GRID2: variants seen among roughly 807,000 people sequenced by gnomAD.
GRID2 encodes the protein glutamate receptor ionotropic, delta-2.
A neutral mutation model predicts 114.8 loss-of-function variants in GRID2; 33 were observed. The observed-to-expected ratio is 0.29, with a 90% CI of 0.22 to 0.38. The LOEUF (loss-of-function observed/expected upper bound fraction) is 0.38. Ranked by LOEUF, GRID2 falls within the 10% of genes least tolerant of loss-of-function variation. The probability of loss-of-function intolerance (pLI) is 1.00; values close to 1 mark genes in which losing one functional copy is unlikely to be tolerated. For missense variants in GRID2, 1,184 were observed against 1,257.7 expected (o/e 0.94, Z 0.89); for synonymous variants, 505 against 449.9 (o/e 1.12, Z -1.55).
intron 2 of GRID2, among the ~76,000 whole-genome samples, chr4:92,762,632 AT>A (rs2149346238): frequency 6.6e-6 from 1 of 152,190 alleles, no homozygotes; most frequent in African/African-American, 2.4e-5. Flanking sequence ...CACTTGTTCG[AT>A]TTTCCCTCAA....
intron 8 of GRID2, among the ~76,000 whole-genome samples, chr4:93,346,416 C>T (rs558529788): frequency 6.6e-6 from 1 of 152,292 alleles, no homozygotes; most frequent in Admixed American, 6.5e-5. Context: ...TACTCCAAAA[C>T]AGCATTTCCT....
At chr4:92,585,329 T>A (rs1560473275) in intron 1 of GRID2, among the ~76,000 whole-genome samples, 1 of 152,068 alleles carries the variant, frequency 6.6e-6, no homozygotes. Context: ...ATTCCTTTTA[T>A]GATTACCTAC....
At chr4:92,642,430 A>G (rs968017963) in intron 2 of GRID2, among the ~76,000 whole-genome samples, 40 of 151,792 alleles carry the variant, frequency 2.6e-4, no homozygotes, top group African/African-American at 9.2e-4. Flanking sequence ...GGCTACTTGT[A>G]TGTCTTCTTT....
intron 4 of GRID2, among the ~76,000 whole-genome samples, chr4:93,140,160 C>CTTTTTTTTTT (rs10684978): frequency 3.9e-5 from 5 of 128,266 alleles, no homozygotes; most frequent in African/African-American, 6.0e-5. Context: ...CTTTTCTTTT[C>CTTTTTTTTTT]TTTTTTTTTT....
chr4:93,614,014 G>C (rs1004945295), intron 13 of GRID2, among the ~76,000 whole-genome samples: 1 of 151,958 alleles, frequency 6.6e-6, no homozygotes, highest in Non-Finnish European at 1.5e-5. Context: ...TAGTCTCGTG[G>C]TGCGCCGTTT....
At chr4:93,533,245 T>C (rs186537208) in intron 13 of GRID2, among the ~76,000 whole-genome samples, 120 of 105,782 alleles carry the variant, frequency 1.1e-3, no homozygotes, top group East Asian at 6.3e-3. Context: ...TTTCTTTCTC[T>C]CTTCCTTCCT....
intron 2 of GRID2, among the ~76,000 whole-genome samples, chr4:92,911,809 A>T (rs1578446778): frequency 6.6e-6 from 1 of 151,544 alleles, no homozygotes; most frequent in Non-Finnish European, 1.5e-5. Flanking sequence ...ATTTTTTCCT[A>T]GTTGTTCATG....
intron 13 of GRID2, among the ~76,000 whole-genome samples, chr4:93,597,745 A>G (rs1008470522): frequency 2.0e-5 from 3 of 152,070 alleles, no homozygotes; most frequent in African/African-American, 7.2e-5. Flanking sequence ...GCTTCTTTCT[A>G]CTTCTTTTGA....
At chr4:93,075,862 T>A (rs1311271498) in intron 2 of GRID2, among the ~76,000 whole-genome samples, 2 of 149,534 alleles carry the variant, frequency 1.3e-5, no homozygotes, top group East Asian at 3.9e-4. Flanking sequence ...CAGTAAGTAT[T>A]GGGATGTCGA....
intron 7 of GRID2, among the ~76,000 whole-genome samples, chr4:93,238,111 G>C (rs1381698228): frequency 6.6e-6 from 1 of 151,748 alleles, no homozygotes; most frequent in African/African-American, 2.4e-5. Context: ...GTTTCATTTT[G>C]AGCAGTCACT....
chr4:92,319,502 A>C (rs899799639), intron 1 of GRID2, among the ~76,000 whole-genome samples: 2 of 152,240 alleles, frequency 1.3e-5, no homozygotes, highest in Admixed American at 1.3e-4. Flanking sequence ...ATGTCAGGTC[A>C]TTCAGGCCTT....
At chr4:92,460,032 CTATATATATATATA>C (rs373743453) in intron 1 of GRID2, among the ~76,000 whole-genome samples, 1 of 48,442 alleles carries the variant, frequency 2.1e-5, no homozygotes, top group African/African-American at 1.0e-4. Context: ...ATAAATCTCA[CTATATATATATATA>C]TATATATACA....
At chr4:92,830,164 T>C (rs1393092944) in intron 2 of GRID2, among the ~76,000 whole-genome samples, 4 of 150,830 alleles carry the variant, frequency 2.7e-5, no homozygotes. Flanking sequence ...TCATAAACAC[T>C]CCCATATTTT....
chr4:92,371,661 C>G (rs1338950858), intron 1 of GRID2, among the ~76,000 whole-genome samples: 1 of 152,134 alleles, frequency 6.6e-6, no homozygotes, highest in Non-Finnish European at 1.5e-5. Context: ...CTTGACGGCT[C>G]TGATGGAGAT....
chr4:93,554,431 AT>A (rs5860337), intron 13 of GRID2, among the ~76,000 whole-genome samples: 47,979 of 151,708 alleles, frequency 0.32, 8,367 homozygotes, highest in African/African-American at 0.45. Flanking sequence ...CTGCACATAA[AT>A]TTTTTTATTT....
At chr4:93,796,274 T>TA (rs1734798347) in intron 1 of GRID2, among the ~76,000 whole-genome samples, 2 of 151,578 alleles carry the variant, frequency 1.3e-5, no homozygotes, top group Non-Finnish European at 2.9e-5. Context: ...GATACTCCAC[T>TA]AGAGTCACAA....
chr4:93,411,575 C>G (rs552354820), intron 9 of GRID2, among the ~76,000 whole-genome samples: 2 of 151,962 alleles, frequency 1.3e-5, no homozygotes, highest in Non-Finnish European at 2.9e-5. Flanking sequence ...GCTGGGACTA[C>G]AGGTGCATGC....
At chr4:93,087,915 T>G (rs1270640751) in intron 3 of GRID2, among the ~76,000 whole-genome samples, 1 of 152,166 alleles carries the variant, frequency 6.6e-6, no homozygotes, top group Non-Finnish European at 1.5e-5. Flanking sequence ...GTGTCATCAT[T>G]TTAAGTTCAA....
chr4:92,411,647 G>GTATATATATATATA (rs1240876484), intron 1 of GRID2, among the ~76,000 whole-genome samples: 34 of 87,258 alleles, frequency 3.9e-4, no homozygotes, highest in South Asian at 7.6e-4. Flanking sequence ...GTGTGTGTGT[G>GTATATATATATATA]TGTGTGTGTA....
Sources: gnomAD v4.1 joint callset for allele counts (sites outside exome capture counted in the v4.1 genomes callset) on GRCh38, gnomAD v4.1.1 for gene constraint, MANE v1.5 for transcripts, NCBI Gene and HGNC (gene_info 2026-07-23, HGNC 2026-07-21) for gene names.